Variants in MGAT4C observed in about 807,000 individuals in gnomAD.
The protein encoded by MGAT4C is MGAT4 family member C.
A neutral mutation model predicts 40.1 loss-of-function variants in MGAT4C; 19 were observed. The observed-to-expected ratio is 0.47, with a 90% confidence interval of 0.33 to 0.70. The LOEUF (loss-of-function observed/expected upper bound fraction) is 0.70. MGAT4C is among the 30% of genes least tolerant of loss of function. The pLI, the probability that MGAT4C is intolerant of heterozygous loss-of-function variation, is 0.02. For missense variants in MGAT4C, 491 were observed against 563.2 expected, an observed-to-expected ratio of 0.87 and a Z score of 1.30; for synonymous variants, 181 against 187.1, an observed-to-expected ratio of 0.97 and a Z score of 0.27.
intron 2 of MGAT4C, among the ~76,000 whole-genome samples, chr12:86,543,978 C>T (rs900465942): frequency 2.6e-5 from 4 of 152,074 alleles, no homozygotes; most frequent in African/African-American, 9.7e-5. Context: ...CAGGGGGGCT[C>T]AGGCTATTCA....
chr12:86,052,332 T>C (rs1335374768), intron 1 of MGAT4C, among the ~76,000 whole-genome samples: 1 of 151,794 alleles, frequency 6.6e-6, no homozygotes, highest in Non-Finnish European at 1.5e-5. Context: ...TATTGTTGAT[T>C]TGTAATGGTT....
chr12:86,558,259 G>T (rs531967093), intron 2 of MGAT4C, among the ~76,000 whole-genome samples: 21 of 152,024 alleles, frequency 1.4e-4, no homozygotes, highest in Non-Finnish European at 2.6e-4. Context: ...AGAGCGAGGA[G>T]ATAGGCAAAA....
intron 3 of MGAT4C, among the ~76,000 whole-genome samples, chr12:86,414,109 AGAGTT>A (rs1409042325): frequency 6.6e-6 from 1 of 152,130 alleles, no homozygotes; most frequent in Non-Finnish European, 1.5e-5. Flanking sequence ...ACTTGAATAA[AGAGTT>A]GAGAAGAAAG....
intron 1 of MGAT4C, among the ~76,000 whole-genome samples, chr12:86,738,312 C>T (rs1329749184): frequency 6.6e-6 from 1 of 151,364 alleles, no homozygotes; most frequent in Non-Finnish European, 1.5e-5. Flanking sequence ...AGCCAAACTA[C>T]CCCAATTAAA....
chr12:86,182,678 A>C (rs1485825672), intron 1 of MGAT4C, among the ~76,000 whole-genome samples: 1 of 151,872 alleles, frequency 6.6e-6, no homozygotes, highest in Non-Finnish European at 1.5e-5. Flanking sequence ...TTTCTGCATG[A>C]CCACTCTGTT....
chr12:86,002,704 G>T (rs965849787), intron 2 of MGAT4C, among the ~76,000 whole-genome samples: 3 of 148,308 alleles, frequency 2.0e-5, no homozygotes, highest in African/African-American at 7.4e-5. Flanking sequence ...TATATATATA[G>T]AATATATATT....
At chr12:86,045,952 G>T (rs1026172388) in intron 2 of MGAT4C, among the ~76,000 whole-genome samples, 2 of 152,096 alleles carry the variant, frequency 1.3e-5, no homozygotes, top group African/African-American at 2.4e-5. Context: ...GTCTCTCAAG[G>T]TCTGGTTATA....
intron 2 of MGAT4C, among the ~76,000 whole-genome samples, chr12:86,705,979 A>G (rs1215446876): frequency 6.6e-6 from 1 of 152,186 alleles, no homozygotes; most frequent in Non-Finnish European, 1.5e-5. Context: ...ATAAATGGAT[A>G]TAAGTAGAGG....
rs1884534146 is a variant in MGAT4C, at chr12:86,153,378, A to G, written c.-57+102861T>C. On this transcript the variant is annotated intron_variant, in intron 1 of 4. Coordinates refer to ENST00000611864, the MANE Select transcript of MGAT4C (RefSeq NM_001351288.2). ...GGTAAATCATGAAAGTATAACCCTAAAAACCCCAAAATAGACATAGCATTG... is the reference window on the plus strand; with the variant it reads ...GGTAAATCATGAAAGTATAACCCTAGAAACCCCAAAATAGACATAGCATTG... 2.0e-5 allele frequency among the ~76,000 whole-genome samples: 3 copies of G among 152,218 alleles called. No homozygotes were observed. The South Asian group carries it at 6.2e-4, about 32-fold the overall frequency.
intron 2 of MGAT4C, among the ~76,000 whole-genome samples, chr12:86,007,357 C>T (rs1454861819): frequency 5.9e-5 from 9 of 151,958 alleles, no homozygotes; most frequent in African/African-American, 2.2e-4. Context: ...TGCTTTAGCA[C>T]AGTTAGAATA....
At chr12:86,365,652 G>A (rs1347136187) in intron 3 of MGAT4C, among the ~76,000 whole-genome samples, 2 of 151,172 alleles carry the variant, frequency 1.3e-5, no homozygotes, top group African/African-American at 2.4e-5. Context: ...TCCGTTCGGG[G>A]TTCCTGACTT....
chr12:86,564,515 A>G (rs1266351530), intron 2 of MGAT4C, among the ~76,000 whole-genome samples: 1 of 152,226 alleles, frequency 6.6e-6, no homozygotes, highest in Admixed American at 6.5e-5. Flanking sequence ...TCCAGTAACA[A>G]TAAGTAGCAA....
intron 2 of MGAT4C, among the ~76,000 whole-genome samples, chr12:86,443,975 G>A (rs181112454): frequency 3.3e-5 from 5 of 152,104 alleles, no homozygotes; most frequent in African/African-American, 9.6e-5. Context: ...CTCCCTCTGC[G>A]TTAATTCATC....
chr12:86,535,006 A>G (rs1444616173), intron 2 of MGAT4C, among the ~76,000 whole-genome samples: 2 of 152,106 alleles, frequency 1.3e-5, no homozygotes, highest in African/African-American at 2.4e-5. Context: ...TTCATGCAAA[A>G]TACTCTAAAT....
chr12:86,315,306 G>C (rs1029047971), intron 4 of MGAT4C, among the ~76,000 whole-genome samples: 2 of 152,140 alleles, frequency 1.3e-5, no homozygotes, highest in Non-Finnish European at 2.9e-5. Flanking sequence ...TAGCTGGCTA[G>C]CCATGTGCAG....
chr12:86,571,609 G>C (rs1359680311), intron 2 of MGAT4C, among the ~76,000 whole-genome samples: 1 of 152,012 alleles, frequency 6.6e-6, no homozygotes, highest in Non-Finnish European at 1.5e-5. Flanking sequence ...GAGTGTCTGT[G>C]TGTGTGTATG....
At chr12:86,046,304 A>C (rs1892390595) in intron 2 of MGAT4C, among the ~76,000 whole-genome samples, 1 of 152,212 alleles carries the variant, frequency 6.6e-6, no homozygotes, top group African/African-American at 2.4e-5. Flanking sequence ...AAAAGAATGC[A>C]GTAGAACTGA....
intron 1 of MGAT4C, among the ~76,000 whole-genome samples, chr12:86,165,580 T>G (rs2135813273): frequency 6.6e-6 from 1 of 152,296 alleles, no homozygotes; most frequent in Middle Eastern, 3.4e-3. Flanking sequence ...CTTTCTTCAT[T>G]ATTCTCAAAT....
chr12:86,495,470 T>C (rs961473130), intron 2 of MGAT4C, among the ~76,000 whole-genome samples: 1 of 152,084 alleles, frequency 6.6e-6, no homozygotes, highest in African/African-American at 2.4e-5. Context: ...CTATAGTGCA[T>C]AGGATGGCCC....
Sources: gnomAD v4.1 joint callset for allele counts (sites outside exome capture counted in the v4.1 genomes callset) on GRCh38, gnomAD v4.1.1 for gene constraint, MANE v1.5 for transcripts, NCBI Gene and HGNC (gene_info 2026-07-23, HGNC 2026-07-21) for gene names.